UBE4B: variants seen among roughly 807,000 people sequenced by gnomAD.
UBE4B encodes ubiquitination factor E4B, also known as ubiquitin conjugation factor E4 B.
Under a neutral mutation model 148.1 loss-of-function variants are expected in UBE4B, and 27 were observed. The ratio of observed to expected loss-of-function variants is 0.18; its 90% confidence interval spans 0.13 to 0.25. UBE4B has a LOEUF of 0.25. UBE4B is among the 10% of genes least tolerant of loss of function. The pLI, the probability that UBE4B is intolerant of heterozygous loss-of-function variation, is 1.00. For synonymous variants in UBE4B, 596 were observed against 619.3 expected (o/e 0.96, Z 0.56); for missense variants, 1,170 against 1,662.4 (o/e 0.70, Z 5.15).
intron 17 of UBE4B, among the ~76,000 whole-genome samples, 169 bp from the exon 18 acceptor site, chr1:10,144,771 T>A (rs1331370740): frequency 1.3e-5 from 2 of 150,932 alleles, no homozygotes; most frequent in East Asian, 3.9e-4. Flanking sequence ...AGAAAAATGC[T>A]GCCAATTAAA....
chr1:10,102,880 A>G, intron 4 of UBE4B, 68 bp from the exon 5 acceptor site: 1 of 1,471,696 alleles, frequency 6.8e-7, no homozygotes, highest in Non-Finnish European at 9.3e-7. Context: ...AGAATAACGT[A>G]TTCCTATTGA....
intron 7 of UBE4B, among the ~76,000 whole-genome samples, chr1:10,107,576 CTTT>C (rs60975850): frequency 9.4e-5 from 12 of 128,252 alleles, no homozygotes; most frequent in Non-Finnish European, 9.7e-5. Context: ...TTCTTTCTTT[CTTT>C]TTTTTTTTTT....
At chr1:10,074,480 TC>T (rs896064246) in intron 2 of UBE4B, among the ~76,000 whole-genome samples, 5 of 152,078 alleles carry the variant, frequency 3.3e-5, no homozygotes, top group African/African-American at 9.7e-5. Flanking sequence ...CAGCAGAACT[TC>T]CGGAATGAGT....
chr1:10,167,441 A>AAATAATAATAATAATAAT lies in UBE4B; in HGVS notation c.3199-679_3199-662dup, dbSNP rs200457569. Among the ~76,000 whole-genome samples, 239 of 147,178 alleles carry AAATAATAATAATAATAAT rather than the reference A, an allele frequency of 1.6e-3. 1 individual carries two copies. Among genetic ancestry groups the AAATAATAATAATAATAAT allele is most frequent in the African/African-American group, 5.3e-3 (211 of 39,528 alleles). On this transcript the variant is annotated intron_variant, in intron 23 of 27. Transcript: ENST00000343090. ...GCAACAAGCGAAACTCCGTCTCAAA[A>AAATAATAATAATAATAAT]AATAATAATAATAATAATAATAATA...
rs1646497468 is a variant in UBE4B, at chr1:10,181,118, G to A, written c.*1162G>A. The A allele has an allele frequency of 6.6e-6, 1 of 151,612 alleles. No individual in the cohort carries two copies. The highest frequency in any genetic ancestry group is 6.6e-5 in the Admixed American group (1 of 15,148). 9.4% of individuals were successfully genotyped at this position (151,612 alleles called of 1,614,324 possible). On this transcript the variant is annotated 3_prime_UTR_variant, in exon 28 of 28. Transcript: ENST00000343090. ...ATTTGAAACCATAAAGTGTTCTGAA[G>A]AAATTAAGTCTATAAAAAGCATACT...
intron 1 of UBE4B, among the ~76,000 whole-genome samples, chr1:10,042,924 T>G (rs572836746): frequency 1.3e-5 from 2 of 151,962 alleles, no homozygotes; most frequent in African/African-American, 4.8e-5. Flanking sequence ...CTTGAGCTGT[T>G]CCAGGAATAG....
chr1:10,063,196 A>G (rs776482412), intron 1 of UBE4B, among the ~76,000 whole-genome samples: 10 of 152,188 alleles, frequency 6.6e-5, no homozygotes, highest in Non-Finnish European at 1.3e-4. Context: ...TGAACCCAGG[A>G]GGCAGAGGTT....
chr1:10,137,298 TGG>T, intron 17 of UBE4B, 93 bp downstream of exon 17: 1 of 1,527,622 alleles, frequency 6.5e-7, no homozygotes, highest in Non-Finnish European at 9.0e-7. Flanking sequence ...TTTTGAATGT[TGG>T]GGGAGGTATG....
chr1:10,159,302 T>C (rs1646123299), intron 22 of UBE4B, among the ~76,000 whole-genome samples: 2 of 152,194 alleles, frequency 1.3e-5, no homozygotes, highest in South Asian at 2.1e-4. Flanking sequence ...AGTAATTCCA[T>C]CTAAATTATC....
intron 1 of UBE4B, among the ~76,000 whole-genome samples, chr1:10,039,556 A>G (rs537970880): frequency 9.9e-5 from 15 of 151,336 alleles, no homozygotes; most frequent in African/African-American, 2.4e-4. Flanking sequence ...CAGCCTCCCA[A>G]GTAGCTGGGA....
intron 3 of UBE4B, among the ~76,000 whole-genome samples, chr1:10,097,052 A>AAAAAAAAAAAAAT (rs554089049): frequency 7.2e-6 from 1 of 138,510 alleles, no homozygotes; most frequent in African/African-American, 2.6e-5. Flanking sequence ...AAAAAAAAAA[A>AAAAAAAAAAAAAT]AATAATAATA....
At chr1:10,117,632 A>T (rs758859803) in intron 8 of UBE4B, 32 bp downstream of exon 8, 1 of 1,554,054 alleles carries the variant, frequency 6.4e-7, no homozygotes, top group South Asian at 1.2e-5. Flanking sequence ...TAAAAAAAAA[A>T]AAGCCTAGTT....
intron 8 of UBE4B, 43 bp downstream of exon 8, chr1:10,117,643 A>G (rs1645334930): frequency 1.3e-6 from 2 of 1,531,488 alleles, no homozygotes; most frequent in Admixed American, 2.4e-5. Flanking sequence ...AAGCCTAGTT[A>G]TTTGTTTGAT....
At chr1:10,105,361 C>G (rs1645088400) in intron 5 of UBE4B, among the ~76,000 whole-genome samples, 155 bp from the exon 6 acceptor site, 1 of 152,132 alleles carries the variant, frequency 6.6e-6, no homozygotes, top group Non-Finnish European at 1.5e-5. Context: ...AAACACAAGG[C>G]TTTATTTAGG....
chr1:10,082,687 C>T (rs1305968858), intron 2 of UBE4B, among the ~76,000 whole-genome samples: 4 of 134,172 alleles, frequency 3.0e-5, no homozygotes. Flanking sequence ...ATGTGCAGAA[C>T]GTGCAGGTTT....
intron 21 of UBE4B, among the ~76,000 whole-genome samples, chr1:10,154,366 C>T (rs960562530): frequency 2.6e-5 from 4 of 151,732 alleles, no homozygotes; most frequent in Admixed American, 1.3e-4. Flanking sequence ...TGTAGTTAGC[C>T]GAGATCTAAA....
chr1:10,132,513 T>A (rs747249052), intron 15 of UBE4B, 31 bp downstream of exon 15: 2 of 1,591,828 alleles, frequency 1.3e-6, no homozygotes, highest in South Asian at 2.2e-5. Flanking sequence ...TTTTCGCTGT[T>A]TGTCAAATTC....
intron 19 of UBE4B, among the ~76,000 whole-genome samples, chr1:10,148,854 C>A (rs1007153818): frequency 2.7e-5 from 4 of 150,856 alleles, no homozygotes; most frequent in African/African-American, 9.8e-5. Flanking sequence ...ACATGATAAT[C>A]GATTGAACTG....
rs895406340 is a variant in UBE4B at position 10,130,359 on chromosome 1, G to C, written c.1696-141G>C. 23 of 778,460 alleles carry C rather than the reference G, an allele frequency of 3.0e-5. No homozygotes were observed. The African/African-American group carries it at 4.0e-4, about 13-fold the overall frequency. 48.2% of individuals were successfully genotyped at this position (778,460 alleles called of 1,614,324 possible). A position where few individuals can be genotyped will look rare whatever the true frequency, so the allele number is the denominator to read the frequency against. On this transcript the variant is annotated intron_variant, in intron 12 of 27. Transcript: ENST00000343090. Reference sequence around the variant, plus strand: ...GCCTCCCAAAGTGCTGGGATTACAGGCGTGAGCCACCATGCCTGGCTGAAA... The same window carrying C: ...GCCTCCCAAAGTGCTGGGATTACAGCCGTGAGCCACCATGCCTGGCTGAAA...
Sources: gnomAD v4.1 joint callset for allele counts (sites outside exome capture counted in the v4.1 genomes callset) on GRCh38, gnomAD v4.1.1 for gene constraint, MANE v1.5 for transcripts, NCBI Gene and HGNC (gene_info 2026-07-23, HGNC 2026-07-21) for gene names.